The following RAB3C variants were observed in gnomAD, a reference collection of about 807,000 sequenced individuals.
RAB3C encodes ras-related protein Rab-3C.
In RAB3C, 17 loss-of-function variants were observed where a neutral mutation model predicts 26.4. The ratio of observed to expected loss-of-function variants is 0.64; its 90% CI spans 0.44 to 0.97. The LOEUF is 0.97. RAB3C is among the 50% of genes least tolerant of loss of function. The pLI is 0.00. For missense variants in RAB3C, 242 were observed against 281.9 expected (o/e 0.86, Z 1.01); for synonymous variants, 91 against 95.9 (o/e 0.95, Z 0.30).
At chr5:58,624,215 G>A (rs187567448) in intron 2 of RAB3C, among the ~76,000 whole-genome samples, 87 of 152,262 alleles carry the variant, frequency 5.7e-4, no homozygotes, top group Non-Finnish European at 9.8e-4. Context: ...TAAGGAGATC[G>A]AATTCCACTG....
intron 2 of RAB3C, among the ~76,000 whole-genome samples, chr5:58,698,516 G>A (rs971253958): frequency 1.1e-4 from 16 of 152,190 alleles, no homozygotes; most frequent in African/African-American, 3.4e-4. Flanking sequence ...GCCCTGAAGT[G>A]TGTTTTCCAA....
At chr5:58,717,001 G>T (rs1234985785) in intron 2 of RAB3C, among the ~76,000 whole-genome samples, 1 of 152,058 alleles carries the variant, frequency 6.6e-6, no homozygotes. Flanking sequence ...TTCATCAGTT[G>T]TGACAAATGC....
At chr5:58,829,299 A>G (rs1360764809) in intron 4 of RAB3C, among the ~76,000 whole-genome samples, 2 of 152,182 alleles carry the variant, frequency 1.3e-5, no homozygotes, top group Non-Finnish European at 1.5e-5. Context: ...TATGGTACTT[A>G]TATATGTACA....
chr5:58,839,285 T>C, intron 4 of RAB3C, among the ~76,000 whole-genome samples: 1 of 151,810 alleles, frequency 6.6e-6, no homozygotes, highest in East Asian at 1.9e-4. Context: ...ATCTTTTGTT[T>C]CTTATTTCCT....
At chr5:58,693,276 A>G (rs1748608410) in intron 2 of RAB3C, among the ~76,000 whole-genome samples, 1 of 144,354 alleles carries the variant, frequency 6.9e-6, no homozygotes, top group Non-Finnish European at 1.5e-5. Context: ...TAATTAAGAT[A>G]AAGTTATAAT....
intron 3 of RAB3C, among the ~76,000 whole-genome samples, chr5:58,776,222 C>T (rs1742137609): frequency 6.6e-6 from 1 of 152,118 alleles, no homozygotes; most frequent in Non-Finnish European, 1.5e-5. Context: ...CATACAACTT[C>T]CTCATGCCTC....
Position 58,769,477 on chromosome 5 carries a change from T to C in RAB3C, c.371+43357T>C, listed in dbSNP as rs557030096. Among the ~76,000 whole-genome samples, 8 of 152,242 alleles carry C rather than the reference T, an allele frequency of 5.3e-5. No homozygotes were observed. In the South Asian group the frequency reaches 1.7e-3, roughly 32 times the overall value. On this transcript the variant is annotated intron_variant, in intron 3 of 4. Coordinates refer to ENST00000282878, the MANE Select transcript of RAB3C (RefSeq NM_138453.4). The stretch of plus-strand genomic sequence containing the variant: ...TATGTTATGTCCTTCTCTGGGACAG[T>C]AGATGATACTGGGAACGTTACATCT...
chr5:58,700,480 T>A (rs1748818880), intron 2 of RAB3C, among the ~76,000 whole-genome samples: 1 of 152,232 alleles, frequency 6.6e-6, no homozygotes, highest in South Asian at 2.1e-4. Flanking sequence ...AAGACTTTTA[T>A]TTCTGTTTAG....
intron 4 of RAB3C, among the ~76,000 whole-genome samples, chr5:58,837,404 A>C (rs1048409209): frequency 8.6e-5 from 13 of 151,018 alleles, no homozygotes; most frequent in Admixed American, 8.6e-4. Flanking sequence ...CTGGTCTCGA[A>C]CTCCTGACCT....
At chr5:58,696,932 C>T (rs1748712813) in intron 2 of RAB3C, among the ~76,000 whole-genome samples, 1 of 152,082 alleles carries the variant, frequency 6.6e-6, no homozygotes, top group South Asian at 2.1e-4. Flanking sequence ...TTCAGTTCTG[C>T]TCTGATCTTA....
intron 3 of RAB3C, among the ~76,000 whole-genome samples, chr5:58,759,544 A>C (rs962651567): frequency 6.6e-6 from 1 of 152,224 alleles, no homozygotes; most frequent in African/African-American, 2.4e-5. Flanking sequence ...CCATGATAAA[A>C]TTTAATATCA....
Position 58,857,953 on chromosome 5 carries a change from T to C in RAB3C, c.*6602T>C, listed in dbSNP as rs1159146564. 1.3e-5 allele frequency: 2 copies of C among 152,248 alleles called. No homozygotes were observed. The highest frequency in any genetic ancestry group is 3.8e-4 in the East Asian group (2 of 5,204). 9.4% of individuals were successfully genotyped at this position (152,248 alleles called of 1,614,324 possible). A position where few individuals can be genotyped will look rare whatever the true frequency, so the allele number is the denominator to read the frequency against. ...GTCTTAAACTCCTACTTGCCATTTC[T>C]AAGGCAAAGCATTCATTTTAATATT... On this transcript the variant is annotated 3_prime_UTR_variant, in exon 5 of 5. Transcript: ENST00000282878.
At chr5:58,635,054 G>T (rs60523647) in intron 2 of RAB3C, among the ~76,000 whole-genome samples, 3 of 152,138 alleles carry the variant, frequency 2.0e-5, no homozygotes, top group Non-Finnish European at 4.4e-5. Context: ...CAGTAAGGTT[G>T]ATGTTTGATG....
intron 2 of RAB3C, among the ~76,000 whole-genome samples, chr5:58,654,987 T>TAC (rs1202634064): frequency 6.6e-6 from 1 of 152,192 alleles, no homozygotes; most frequent in African/African-American, 2.4e-5. Context: ...AAATTACATA[T>TAC]ATACATACTC....
At chr5:58,616,112 C>T (rs1021308825) in intron 1 of RAB3C, among the ~76,000 whole-genome samples, 2 of 152,100 alleles carry the variant, frequency 1.3e-5, no homozygotes, top group African/African-American at 4.8e-5. Flanking sequence ...TTTCCTCCCC[C>T]TACCCCAAAG....
chr5:58,810,363 T>C (rs924208966), intron 3 of RAB3C, among the ~76,000 whole-genome samples: 3 of 69,206 alleles, frequency 4.3e-5, no homozygotes, highest in South Asian at 6.2e-4. Context: ...GTACTCTGTG[T>C]GCTCTCTCTC....
At chr5:58,842,330 A>C (rs1743893670) in intron 4 of RAB3C, among the ~76,000 whole-genome samples, 1 of 152,196 alleles carries the variant, frequency 6.6e-6, no homozygotes, top group South Asian at 2.1e-4. Context: ...TTCCTTCTGC[A>C]GATGGCTAAT....
At position 58,817,725 on chromosome 5, in the gene RAB3C, C is replaced by A; in HGVS notation, c.372-7313C>A. Among the ~76,000 whole-genome samples, 2 of 152,004 alleles carry A rather than the reference C, an allele frequency of 1.3e-5. 1 individual carries two copies. The highest frequency in any genetic ancestry group is 6.3e-3 in the Middle Eastern group (2 of 316). On this transcript the variant is annotated intron_variant, in intron 3 of 4. Transcript: ENST00000282878. Reference sequence around the variant, plus strand: ...CTTTTTAATACCTCTGATGGAGACTCTAGAGGTTCTAATTTAATGTTTCTG... The same window carrying A: ...CTTTTTAATACCTCTGATGGAGACTATAGAGGTTCTAATTTAATGTTTCTG...
intron 1 of RAB3C, among the ~76,000 whole-genome samples, chr5:58,609,371 G>A (rs2591915): frequency 6.6e-6 from 1 of 152,054 alleles, no homozygotes. Context: ...TTTTCCAGCA[G>A]GGGAAAGGGG....
Sources: allele counts gnomAD v4.1 joint callset (sites outside exome capture counted in the v4.1 genomes callset), GRCh38; gene constraint gnomAD v4.1.1; transcripts MANE v1.5; gene names NCBI Gene and HGNC (gene_info 2026-07-23, HGNC 2026-07-21).